Variants in ATP2B2 observed in about 807,000 individuals in gnomAD.
ATP2B2 encodes the protein plasma membrane calcium-transporting ATPase 2.
In ATP2B2, 15 loss-of-function variants were observed where a neutral mutation model predicts 120.0. The ratio of observed to expected loss-of-function variants is 0.12; its 90% CI spans 0.08 to 0.19. The LOEUF (loss-of-function observed/expected upper bound fraction) is 0.19. Ranked by LOEUF, ATP2B2 falls within the 10% of genes least tolerant of loss-of-function variation. The probability of loss-of-function intolerance (pLI) is 1.00; values close to 1 mark genes in which losing one functional copy is unlikely to be tolerated. For synonymous variants in ATP2B2, 694 were observed against 700.3 expected (o/e 0.99, Z 0.14); for missense variants, 1,045 against 1,719.8 (o/e 0.61, Z 6.94).
intron 1 of ATP2B2, among the ~76,000 whole-genome samples, chr3:10,481,347 T>A (rs916708425): frequency 2.7e-5 from 4 of 150,768 alleles, no homozygotes. Context: ...ACCAGCATAC[T>A]CCACCTCAGG....
At chr3:10,595,932 C>T (rs1043204635) in intron 2 of ATP2B2, among the ~76,000 whole-genome samples, 10 of 152,200 alleles carry the variant, frequency 6.6e-5, no homozygotes, top group South Asian at 6.2e-4. Context: ...ACATCAAGCT[C>T]CCTGCTGCTC....
intron 3 of ATP2B2, among the ~76,000 whole-genome samples, chr3:10,408,772 A>C (rs1024693766): frequency 6.6e-6 from 1 of 152,088 alleles, no homozygotes; most frequent in African/African-American, 2.4e-5. Flanking sequence ...CGCTCGGTCC[A>C]TGTTACCCCT....
At chr3:10,536,404 C>A (rs2067318262) in intron 2 of ATP2B2, among the ~76,000 whole-genome samples, 1 of 148,658 alleles carries the variant, frequency 6.7e-6, no homozygotes, top group Admixed American at 6.8e-5. Context: ...CTTTCCTCTT[C>A]TTCTTCTTCT....
intron 1 of ATP2B2, among the ~76,000 whole-genome samples, chr3:10,697,195 C>T (rs1299984169): frequency 2.6e-5 from 4 of 152,140 alleles, no homozygotes; most frequent in Non-Finnish European, 5.9e-5. Context: ...CCACGCCTTT[C>T]CTAGGCCTTC....
intron 22 of ATP2B2, chr3:10,332,070 G>T (rs1268763617): frequency 1.3e-6 from 2 of 1,542,046 alleles, no homozygotes; most frequent in South Asian, 1.2e-5. Flanking sequence ...TATTCAGACA[G>T]TGGAGAGGTC....
intron 3 of ATP2B2, among the ~76,000 whole-genome samples, chr3:10,512,465 C>CGCACACAGACACACAG (rs1553623910): frequency 2.0e-3 from 22 of 11,102 alleles, no homozygotes; most frequent in African/African-American, 3.6e-3. Flanking sequence ...AGTGTGTGCG[C>CGCACACAGACACACAG]ACACACACAC....
intron 2 of ATP2B2, among the ~76,000 whole-genome samples, chr3:10,577,782 C>T (rs999915012): frequency 6.6e-6 from 1 of 152,224 alleles, no homozygotes; most frequent in Non-Finnish European, 1.5e-5. Context: ...CTGGGATCTC[C>T]CTGGGGATGC....
intron 3 of ATP2B2, among the ~76,000 whole-genome samples, chr3:10,514,228 G>A (rs1440938064): frequency 6.6e-6 from 1 of 152,190 alleles, no homozygotes; most frequent in Non-Finnish European, 1.5e-5. Context: ...CCCTGTGATA[G>A]GTCTGGGGAA....
At chr3:10,628,569 T>G (rs1442759899) in intron 1 of ATP2B2, among the ~76,000 whole-genome samples, 2 of 152,226 alleles carry the variant, frequency 1.3e-5, no homozygotes, top group East Asian at 3.8e-4. Flanking sequence ...AGGGCGTCCA[T>G]GCAATAGTGA....
Position 10,584,239 on chromosome 3 carries a change from C to A in ATP2B2, c.-415+35678G>T, listed in dbSNP as rs994912085. 3.9e-5 allele frequency among the ~76,000 whole-genome samples: 6 copies of A among 152,132 alleles called. No individual in the cohort carries two copies. The Middle Eastern group carries it at 9.5e-3, about 241-fold the overall frequency. ...CACAGAGGAGGGAGGCAGAGGCCAG[C>A]TTGGCAGGAATGGGGACCAGGAGAA... On this transcript the variant is annotated intron_variant, in intron 2 of 21. Coordinates refer to the ATP2B2 transcript ENST00000646379.
intron 1 of ATP2B2, among the ~76,000 whole-genome samples, chr3:10,639,118 A>G (rs962654764): frequency 6.6e-6 from 1 of 152,200 alleles, no homozygotes; most frequent in Non-Finnish European, 1.5e-5. Context: ...GTACATCACC[A>G]AAAGCACCAT....
Position 10,449,397 on chromosome 3 carries a change from A to T in ATP2B2, c.147T>A (p.Thr49=), listed in dbSNP as rs575077866. 1 of 1,614,238 alleles carries T rather than the reference A, an allele frequency of 6.2e-7. No individual in the cohort carries two copies. The highest frequency in any genetic ancestry group is 1.1e-5 in the South Asian group (1 of 91,082). Residue 49 remains threonine, a synonymous_variant, in exon 2 of 23, where the codon ACT becomes ACA. Transcript: ENST00000360273. The part of the protein sequence containing the change: ...GTEAVVKIKE[T]YGDTEAICRR... ...GGCAGATGGCTTCGGTGTCCCCATA[A>T]GTCTCCTTGATCTTGACCACAGCCT...
chr3:10,694,766 T>A (rs1219774204), intron 1 of ATP2B2, among the ~76,000 whole-genome samples: 1 of 152,152 alleles, frequency 6.6e-6, no homozygotes, highest in Non-Finnish European at 1.5e-5. Flanking sequence ...ATAAAACACT[T>A]CTGGAAAACT....
chr3:10,620,417 G>A (rs1266165230), intron 1 of ATP2B2, among the ~76,000 whole-genome samples: 1 of 152,198 alleles, frequency 6.6e-6, no homozygotes, highest in Non-Finnish European at 1.5e-5. Context: ...CCTGGCCTGT[G>A]GCTCTGGGGA....
chr3:10,523,693 C>T (rs539596997), intron 3 of ATP2B2, among the ~76,000 whole-genome samples: 9 of 152,188 alleles, frequency 5.9e-5, no homozygotes, highest in Admixed American at 5.9e-4. Context: ...AAAAATGCCC[C>T]CTTGATGCTT....
chr3:10,624,520 G>A lies in ATP2B2; in HGVS notation c.-459-4559C>T, dbSNP rs6808823. Among the ~76,000 whole-genome samples, 875 of 152,288 alleles carry A rather than the reference G, an allele frequency of 5.7e-3. 3 individuals are homozygous for A. The highest frequency in any genetic ancestry group is 0.02 in the African/African-American group (839 of 41,546). On this transcript the variant is annotated intron_variant, in intron 1 of 21. Transcript: ENST00000646379. Reference sequence around the variant, plus strand: ...TGTCCCAGGGGTTGACAATCTCAGCGCCTGAAATGTCACTGTGTGCTCAAT... The same window carrying A: ...TGTCCCAGGGGTTGACAATCTCAGCACCTGAAATGTCACTGTGTGCTCAAT...
chr3:10,338,123 C>T, intron 22 of ATP2B2, 53 bp downstream of exon 22: 1 of 1,608,488 alleles, frequency 6.2e-7, no homozygotes, highest in Non-Finnish European at 8.5e-7. Context: ...TCACCTCCAT[C>T]CCCTGGCCCG....
At chr3:10,415,626 T>A (rs1053760008) in intron 2 of ATP2B2, among the ~76,000 whole-genome samples, 2 of 152,172 alleles carry the variant, frequency 1.3e-5, no homozygotes, top group Non-Finnish European at 2.9e-5. Context: ...AATCTTGTGG[T>A]CTCCTTTCCT....
In ATP2B2 at chr3:10,375,622, C is replaced by G. The variant is rs372813016; in HGVS notation, c.1224G>C (p.Thr408=). Residue 408 remains threonine, a synonymous_variant, in exon 11 of 23, where the codon ACG becomes ACC. Coordinates refer to ENST00000360273, the MANE Select transcript of ATP2B2 (RefSeq NM_001001331.4). This position sits in a 1 kb window ranked among gnomAD's most constrained non-coding sequence, Gnocchi z 4.2. The part of the protein sequence containing the change: ...GKAGLVMSAI[T]VIILVLYFTV... ...TGAAGTAGAGCACCAGGATGATCAC[C>G]GTGATGGCTGACATCACCAAGCCTG... 1 of 1,613,594 alleles carries G rather than the reference C, an allele frequency of 6.2e-7. No homozygotes were observed. The highest frequency in any genetic ancestry group is 1.3e-5 in the African/African-American group (1 of 74,938).
Sources: gnomAD v4.1 joint callset for allele counts (sites outside exome capture counted in the v4.1 genomes callset) on GRCh38, gnomAD v4.1.1 for gene constraint, Gnocchi (gnomAD v3.1) non-coding constraint, MANE v1.5 for transcripts, NCBI Gene and HGNC (gene_info 2026-07-23, HGNC 2026-07-21) for gene names.